ARHGEF11: variants seen among roughly 807,000 people sequenced by gnomAD.
The protein encoded by ARHGEF11 is Rho guanine nucleotide exchange factor 11.
A neutral mutation model predicts 193.7 loss-of-function variants in ARHGEF11; 55 were observed. The ratio of observed to expected loss-of-function variants is 0.28; its 90% CI spans 0.23 to 0.36. The LOEUF (loss-of-function observed/expected upper bound fraction) is 0.36. Ranked by LOEUF, ARHGEF11 falls within the 10% of genes least tolerant of loss-of-function variation. The pLI is 1.00. For missense variants in ARHGEF11, 1,723 were observed against 2,005.6 expected (o/e 0.86, Z 2.69); for synonymous variants, 693 against 768.0 (o/e 0.90, Z 1.62).
chr1:156,973,914 C>T (rs1190499981), intron 7 of ARHGEF11, among the ~76,000 whole-genome samples: 4 of 152,190 alleles, frequency 2.6e-5, no homozygotes, highest in African/African-American at 9.7e-5. Context: ...ATTTAACACA[C>T]TTCTCCAAAG....
chr1:156,963,207 G>A lies in ARHGEF11; in HGVS notation c.1136C>T (p.Pro379Leu). 1 of 1,612,736 alleles carries A rather than the reference G, an allele frequency of 6.2e-7. No individual in the cohort carries two copies. The highest frequency in any genetic ancestry group is 1.1e-5 in the South Asian group (1 of 91,012). Reference sequence around the variant, plus strand: ...AGACAGATGATTCTGACTTACCAGTGGACTGGGGTCCGCCTGAGAGAAGAT... The same window carrying A: ...AGACAGATGATTCTGACTTACCAGTAGACTGGGGTCCGCCTGAGAGAAGAT... ...RYIFSQADPS[P>L]LLFYLCAEVY... The change falls in exon 13 of 41, where the codon CCA becomes CTA. Residue 379 changes from proline to leucine, a missense_variant. By Grantham distance (98) the Pro-to-Leu change is moderately conservative (BLOSUM62 -3). Around this residue, in one of 5 missense-constraint regions of ARHGEF11, gnomAD observed 646 missense variants for 710.7 expected, o/e 0.91. Transcript: ENST00000368194.
intron 3 of ARHGEF11, among the ~76,000 whole-genome samples, chr1:156,982,293 G>A (rs965739576): frequency 1.3e-5 from 2 of 152,106 alleles, no homozygotes; most frequent in Admixed American, 6.5e-5. Flanking sequence ...TTTAAAAAGT[G>A]TATTTCTTGG....
intron 6 of ARHGEF11, 37 bp downstream of exon 6, chr1:156,978,167 C>A: frequency 6.2e-7 from 1 of 1,613,320 alleles, no homozygotes; most frequent in Non-Finnish European, 8.5e-7. Flanking sequence ...TTCAACAGGA[C>A]ATTAGGGTGA....
At chr1:157,036,027 A>G in intron 1 of ARHGEF11, among the ~76,000 whole-genome samples, 1 of 129,720 alleles carries the variant, frequency 7.7e-6, no homozygotes, top group East Asian at 2.4e-4. Flanking sequence ...GAATCTATAT[A>G]TAGGAATATA....
intron 17 of ARHGEF11, among the ~76,000 whole-genome samples, 186 bp from the exon 18 acceptor site, chr1:156,958,001 G>C (rs946203833): frequency 2.6e-5 from 4 of 152,226 alleles, no homozygotes; most frequent in Non-Finnish European, 4.4e-5. Flanking sequence ...TTGCCGAGTT[G>C]AAATATCAGC....
intron 1 of ARHGEF11, among the ~76,000 whole-genome samples, chr1:157,024,264 T>C (rs2102937742): frequency 6.6e-6 from 1 of 152,310 alleles, no homozygotes; most frequent in Non-Finnish European, 1.5e-5. Context: ...AGTGGTTGCC[T>C]GGTGGGACTG....
intron 34 of ARHGEF11, 119 bp from the exon 35 acceptor site, chr1:156,941,552 G>T: frequency 8.5e-7 from 1 of 1,177,336 alleles, no homozygotes; most frequent in Non-Finnish European, 1.2e-6. Flanking sequence ...CACCTGGCTG[G>T]TCTGCTTGGC....
rs541679389 is a variant in ARHGEF11, at chr1:157,044,679, C to G, written c.-349G>C. On this transcript the variant is annotated 5_prime_UTR_variant, in exon 1 of 41. Transcript: ENST00000368194. ...GCACTATGGCCAAAAAAAAATGAAT[C>G]ACAGAAAAATGTGCCTTCAAAATAT... 4.7e-6 allele frequency: 2 copies of G among 426,986 alleles called. No homozygotes were observed. The highest frequency in any genetic ancestry group is 6.7e-5 in the East Asian group (2 of 29,992). 26.4% of individuals were successfully genotyped at this position (426,986 alleles called of 1,614,324 possible). A position where few individuals can be genotyped will look rare whatever the true frequency, so the allele number is the denominator to read the frequency against.
intron 6 of ARHGEF11, among the ~76,000 whole-genome samples, chr1:156,977,566 C>A (rs7415766): frequency 0.17 from 25,319 of 152,060 alleles, 2,179 homozygotes; most frequent in East Asian, 0.33. Flanking sequence ...GTGCATGCCA[C>A]CATGTCTGGC....
chr1:156,992,430 C>G (rs1665873342), intron 1 of ARHGEF11, among the ~76,000 whole-genome samples: 1 of 152,152 alleles, frequency 6.6e-6, no homozygotes, highest in Non-Finnish European at 1.5e-5. Context: ...TCCCGGTATG[C>G]CTGAGTGCAG....
intron 7 of ARHGEF11, among the ~76,000 whole-genome samples, chr1:156,973,644 A>G (rs1662840589): frequency 6.6e-6 from 1 of 151,950 alleles, no homozygotes; most frequent in Admixed American, 6.6e-5. Flanking sequence ...CCCAAAGCTG[A>G]CCTTCATTTC....
chr1:156,971,957 A>T, intron 7 of ARHGEF11, 141 bp from the exon 8 acceptor site: 2 of 984,590 alleles, frequency 2.0e-6, no homozygotes, highest in Admixed American at 5.6e-5. Flanking sequence ...CTCCAAGTAG[A>T]TGCACGGTAT....
chr1:156,955,571 G>C, intron 20 of ARHGEF11, 132 bp downstream of exon 20: 3 of 720,658 alleles, frequency 4.2e-6, no homozygotes, highest in South Asian at 3.3e-5. Flanking sequence ...AGGGGAGAAA[G>C]TGGCTGTGGT....
At chr1:156,988,489 C>T (rs1015555105) in intron 1 of ARHGEF11, among the ~76,000 whole-genome samples, 2 of 152,180 alleles carry the variant, frequency 1.3e-5, no homozygotes, top group Non-Finnish European at 2.9e-5. Flanking sequence ...CTTGGGACAC[C>T]TCGGGCCTTC....
chr1:156,951,618 CG>C lies in ARHGEF11; in HGVS notation c.1879del (p.Arg627AspfsTer35), dbSNP rs1659119974. On this transcript the variant is annotated frameshift_variant, in exon 22 of 41. Transcript: ENST00000368194. LOFTEE classifies it high-confidence loss of function. Reference protein sequence around the residue: ...QYDAPEPGTQRLSTGSFPEDL... With the variant: ...QYDAPEPGTQXLSTGSFPEDL... Reference sequence around the variant, plus strand: ...CTCAGGAAAGCTTCCGGTCGAGAGTCGTTGTGTCCCAGGTTCTGGGGCATCA... The same window carrying C: ...CTCAGGAAAGCTTCCGGTCGAGAGTCTTGTGTCCCAGGTTCTGGGGCATCA... The C allele has an allele frequency of 6.2e-7, 1 of 1,614,068 alleles. No homozygotes were observed. Among genetic ancestry groups the C allele is most frequent in the Non-Finnish European group, 8.5e-7 (1 of 1,180,044 alleles).
rs556664327 is a variant in ARHGEF11, at chr1:157,006,360, G to A, written c.33-20187C>T. On this transcript the variant is annotated intron_variant, in intron 1 of 40. Transcript: ENST00000368194. ...CACACAATCATATGGGCTAAGAATC[G>A]GAGGGCCAGTTTAATTAGATGACTG... 4.6e-5 allele frequency among the ~76,000 whole-genome samples: 7 copies of A among 152,298 alleles called. No homozygotes were observed. In the South Asian group the frequency reaches 1.0e-3, roughly 23 times the overall value.
chr1:157,038,021 G>A (rs1672267402), intron 1 of ARHGEF11, among the ~76,000 whole-genome samples: 1 of 88,148 alleles, frequency 1.1e-5, no homozygotes, highest in Admixed American at 2.0e-4. Flanking sequence ...GACAGAGCAA[G>A]ACTGTCTCAA....
In ARHGEF11 at chr1:156,957,822, T is replaced by C. The variant is rs201687505; in HGVS notation, c.1503-7A>G. ...GTCTTCCTCATACTTGGACCTGGAATGGAAGAAAGAACAGATGACTCAGAC... is the reference window on the plus strand; with the variant it reads ...GTCTTCCTCATACTTGGACCTGGAACGGAAGAAAGAACAGATGACTCAGAC... On this transcript the variant is annotated splice_region_variant and splice_polypyrimidine_tract_variant and intron_variant, in intron 17 of 40. Transcript: ENST00000368194. 2.0e-4 allele frequency: 322 copies of C among 1,613,992 alleles called. No individual in the cohort carries two copies. The African/African-American group carries it at 3.4e-3, about 17-fold the overall frequency.
At chr1:157,007,221 G>T (rs746565151) in intron 1 of ARHGEF11, among the ~76,000 whole-genome samples, 2 of 152,102 alleles carry the variant, frequency 1.3e-5, no homozygotes, top group Non-Finnish European at 2.9e-5. Context: ...GAGGAAATGT[G>T]GAAGTTACAA....
Sources: gnomAD v4.1 joint callset for allele counts (sites outside exome capture counted in the v4.1 genomes callset) on GRCh38, gnomAD v4.1.1 for gene constraint, gnomAD v4.1.1 regional missense constraint, MANE v1.5 for transcripts, NCBI Gene and HGNC (gene_info 2026-07-23, HGNC 2026-07-21) for gene names.